The following GRM7 variants were observed in gnomAD, a reference collection of about 807,000 sequenced individuals.
GRM7 encodes the protein glutamate metabotropic receptor 7.
In GRM7, 35 loss-of-function variants were observed where a neutral mutation model predicts 84.5. That is an observed-to-expected ratio of 0.41 (90% CI 0.32 to 0.55). The LOEUF (loss-of-function observed/expected upper bound fraction) is 0.55, where lower values mean the gene tolerates loss of function less well. Ranked by LOEUF, GRM7 falls within the 20% of genes least tolerant of loss-of-function variation. The pLI, the probability that GRM7 is intolerant of heterozygous loss-of-function variation, is 0.19. For synonymous variants in GRM7, 487 were observed against 455.1 expected, an observed-to-expected ratio of 1.07 and a Z score of -0.89; for missense variants, 1,003 against 1,194.6, an observed-to-expected ratio of 0.84 and a Z score of 2.36.
At chr3:7,343,683 G>T (rs991726130) in intron 4 of GRM7, among the ~76,000 whole-genome samples, 1 of 152,094 alleles carries the variant, frequency 6.6e-6, no homozygotes, top group African/African-American at 2.4e-5. Flanking sequence ...TTTTAACTTT[G>T]CAACACAATG....
intron 1 of GRM7, among the ~76,000 whole-genome samples, chr3:7,036,719 C>A (rs1574819509): frequency 1.3e-5 from 2 of 152,234 alleles, no homozygotes; most frequent in South Asian, 4.1e-4. Flanking sequence ...ATTTTATTTT[C>A]TTTGCTACTG....
intron 2 of GRM7, among the ~76,000 whole-genome samples, chr3:7,208,648 G>C (rs1265446306): frequency 2.0e-5 from 3 of 152,162 alleles, no homozygotes; most frequent in South Asian, 4.1e-4. Flanking sequence ...ACGGGACTCT[G>C]TTGGGTCCTG....
At position 7,044,885 on chromosome 3, in the gene GRM7, T is replaced by C. The variant is rs533564983; in HGVS notation, c.520-101567T>C. On this transcript the variant is annotated intron_variant, in intron 1 of 9. Coordinates refer to ENST00000357716, the MANE Select transcript of GRM7 (RefSeq NM_000844.4). ...GTCCCTGAACTTTCTTTGGTGTTTA[T>C]TTTATCCTGCTCAATTTGCAGGTCA... is the stretch of plus-strand genomic sequence containing the variant. Among the ~76,000 whole-genome samples, 82 of 152,318 alleles carry C rather than the reference T, an allele frequency of 5.4e-4. 1 individual carries two copies. The highest frequency in any genetic ancestry group is 2.7e-3 in the Admixed American group (42 of 15,286).
chr3:7,403,219 G>T (rs1695526273), intron 4 of GRM7: 1 of 427,228 alleles, frequency 2.3e-6, no homozygotes, highest in South Asian at 1.7e-5. Flanking sequence ...TAATTGATAT[G>T]TGCTAAATAC....
chr3:7,506,094 G>A (rs1392617885), intron 7 of GRM7, among the ~76,000 whole-genome samples: 1 of 152,120 alleles, frequency 6.6e-6, no homozygotes, highest in Non-Finnish European at 1.5e-5. Flanking sequence ...ATGGTTTGTA[G>A]CTTAGCTATT....
chr3:7,492,518 T>G (rs1379596249), intron 7 of GRM7, among the ~76,000 whole-genome samples: 2 of 152,152 alleles, frequency 1.3e-5, no homozygotes, highest in African/African-American at 4.8e-5. Flanking sequence ...TGTTGTTCTA[T>G]TTACCTATCT....
chr3:7,497,325 G>C (rs1487014669), intron 7 of GRM7, among the ~76,000 whole-genome samples: 4 of 152,156 alleles, frequency 2.6e-5, no homozygotes, highest in African/African-American at 9.7e-5. Context: ...ATGACTAAAA[G>C]TGGCAACGTT....
chr3:7,378,423 G>C (rs1432261078), intron 4 of GRM7, among the ~76,000 whole-genome samples: 3 of 152,146 alleles, frequency 2.0e-5, no homozygotes, highest in African/African-American at 7.2e-5. Flanking sequence ...TTTTCTACTT[G>C]CATAAGCTAA....
chr3:7,182,903 T>TG (rs1695388883), intron 2 of GRM7, among the ~76,000 whole-genome samples: 1 of 148,368 alleles, frequency 6.7e-6, no homozygotes, highest in Non-Finnish European at 1.5e-5. Context: ...AGTGTTTTTT[T>TG]TTTTTTTTTT....
At chr3:7,379,502 CA>C (rs1301243870) in intron 4 of GRM7, among the ~76,000 whole-genome samples, 1 of 152,168 alleles carries the variant, frequency 6.6e-6, no homozygotes, top group Admixed American at 6.5e-5. Flanking sequence ...AGTATGCTAA[CA>C]ATAACACCTC....
intron 1 of GRM7, among the ~76,000 whole-genome samples, chr3:7,076,976 T>C (rs1698106505): frequency 6.6e-6 from 1 of 152,206 alleles, no homozygotes; most frequent in South Asian, 2.1e-4. Flanking sequence ...GAAAAAATGC[T>C]CATCATCACT....
intron 7 of GRM7, among the ~76,000 whole-genome samples, chr3:7,515,718 G>T (rs1390144707): frequency 6.6e-6 from 1 of 152,124 alleles, no homozygotes; most frequent in Non-Finnish European, 1.5e-5. Flanking sequence ...CACAACTAAG[G>T]TTAGATTCTC....
chr3:7,422,255 G>A (rs1436080970), intron 5 of GRM7, among the ~76,000 whole-genome samples: 1 of 152,106 alleles, frequency 6.6e-6, no homozygotes, highest in East Asian at 1.9e-4. Context: ...CATAACACAA[G>A]GCAACCACAA....
At chr3:7,645,530 G>C (rs952255380) in intron 8 of GRM7, among the ~76,000 whole-genome samples, 1 of 117,926 alleles carries the variant, frequency 8.5e-6, no homozygotes, top group Admixed American at 1.1e-4. Flanking sequence ...CTGGGTGACA[G>C]AGCAAGACTC....
rs571849097 is a variant in GRM7 at position 6,991,906 on chromosome 3, A to G, written c.519+129999A>G. ...ATTCCTCTTTTAACCAAAATTTTGT[A>G]CCCTTTGACTAACATCTCCCTATTC... On this transcript the variant is annotated intron_variant, in intron 1 of 9. Transcript: ENST00000357716. Among the ~76,000 whole-genome samples, 122 of 152,040 alleles carry G rather than the reference A, an allele frequency of 8.0e-4. 2 individuals are homozygous for G. Among genetic ancestry groups the G allele is most frequent in the African/African-American group, 2.5e-3 (102 of 41,482 alleles).
intron 1 of GRM7, among the ~76,000 whole-genome samples, chr3:6,962,450 G>A (rs997901371): frequency 6.6e-6 from 1 of 152,010 alleles, no homozygotes; most frequent in African/African-American, 2.4e-5. Context: ...AAAAAAGGTG[G>A]CCCACATACA....
At chr3:6,929,472 A>G (rs1398949127) in intron 1 of GRM7, among the ~76,000 whole-genome samples, 1 of 152,212 alleles carries the variant, frequency 6.6e-6, no homozygotes, top group Non-Finnish European at 1.5e-5. Context: ...GTTCATGAAG[A>G]TGATACAGTA....
intron 1 of GRM7, among the ~76,000 whole-genome samples, chr3:7,104,101 G>A (rs966133846): frequency 7.3e-5 from 11 of 151,246 alleles, no homozygotes; most frequent in Non-Finnish European, 1.3e-4. Flanking sequence ...GTCGTCTTAT[G>A]ATGGGATTAG....
intron 7 of GRM7, among the ~76,000 whole-genome samples, chr3:7,478,068 T>C (rs569383653): frequency 2.0e-5 from 3 of 152,294 alleles, no homozygotes; most frequent in South Asian, 4.2e-4. Flanking sequence ...TAATGACCCT[T>C]CTATCTCCCA....
Sources: allele counts gnomAD v4.1 joint callset (sites outside exome capture counted in the v4.1 genomes callset), GRCh38; gene constraint gnomAD v4.1.1; transcripts MANE v1.5; gene names NCBI Gene and HGNC (gene_info 2026-07-23, HGNC 2026-07-21).